The following XIRP1 variants were observed in gnomAD, a reference collection of about 807,000 sequenced individuals.
The protein encoded by XIRP1 is xin actin-binding repeat-containing protein 1.
For missense variants in XIRP1, 2,378 were observed against 2,345.4 expected (o/e 1.01, Z -0.29); for synonymous variants, 984 against 947.0 (o/e 1.04, Z -0.72).
At position 39,186,857 on chromosome 3, in the gene XIRP1, T is replaced by C. The variant is rs1227632496; in HGVS notation, c.2589A>G (p.Pro863=). ...CAATATTCCCACTGCTGCCTGGAGT[T>C]GGCAGCCTCAGCGGCTTGAGTTGGA... The part of the protein sequence containing the change: ...GQLQLKPLRL[P]TPGSSGNIED... The change falls in exon 2 of 2, where the codon CCA becomes CCG. Residue 863 remains proline, a synonymous_variant. Coordinates refer to ENST00000340369, the MANE Select transcript of XIRP1 (RefSeq NM_194293.4). The C allele has an allele frequency of 6.2e-7, 1 of 1,613,852 alleles. No homozygotes were observed. Among genetic ancestry groups the C allele is most frequent in the East Asian group, 2.2e-5 (1 of 44,868 alleles).
In XIRP1 at chr3:39,184,057, T is replaced by C; in HGVS notation, c.5389A>G (p.Arg1797Gly). Reference sequence around the variant, plus strand: ...AGCCCGAGGTGGGAGCCTGGGTTCCTGGGTGGCTCTGCCTGCTCGGTGACT... The same window carrying C: ...AGCCCGAGGTGGGAGCCTGGGTTCCCGGGTGGCTCTGCCTGCTCGGTGACT... ...TTVTEQAEPP[R>G]NPGSHLGLHA... The change falls in exon 2 of 2, where the codon AGG (arginine) becomes GGG (glycine). Residue 1797 changes from arginine (R) to glycine (G), a missense_variant. Physicochemically the swap from Arg to Gly is moderately radical, Grantham distance 125 (BLOSUM62 -2). Coordinates refer to ENST00000340369, the MANE Select transcript of XIRP1 (RefSeq NM_194293.4). 6.2e-7 allele frequency: 1 copy of C among 1,610,602 alleles called. No individual in the cohort carries two copies.
At chr3:39,190,872 G>A (rs1318034140) in intron 1 of XIRP1, among the ~76,000 whole-genome samples, 1 of 152,162 alleles carries the variant, frequency 6.6e-6, no homozygotes, top group Non-Finnish European at 1.5e-5. Context: ...GGGCTCAGAG[G>A]GAGGCTGAGG....
In XIRP1 at chr3:39,183,758, GA is replaced by G; in HGVS notation, c.*155del. ...TCCATTTGGAAGAACTGGGCCTATT[GA>G]AAGAACTGCGAAAGGGAAATGGCCC... On this transcript the variant is annotated 3_prime_UTR_variant, in exon 2 of 2. Coordinates refer to ENST00000340369, the MANE Select transcript of XIRP1 (RefSeq NM_194293.4). 8.0e-7 allele frequency: 1 copy of G among 1,255,564 alleles called. No individual in the cohort carries two copies. The highest frequency in any genetic ancestry group is 1.1e-6 in the Non-Finnish European group (1 of 938,044). The allele number at this position is 1,255,564 out of a possible 1,614,324, so 77.8% of individuals were successfully genotyped here.
rs752267435 is a variant in XIRP1, at chr3:39,184,224, AG to A, written c.5221del (p.Leu1741CysfsTer25). On this transcript the variant is annotated frameshift_variant, in exon 2 of 2. Transcript: ENST00000340369. LOFTEE classifies it low-confidence loss of function (END_TRUNC). ...PEPAPPSASPLPRGWQKSVLE... is the reference protein window; with the variant it reads ...PEPAPPSASPXPRGWQKSVLE... ...AACACTCTTTTGCCACCCTCTGGGC[AG>A]GGGACTGGCTGAGGGAGGGGCAGGT... 2 of 1,614,158 alleles carry A rather than the reference AG, an allele frequency of 1.2e-6. No individual in the cohort carries two copies. The highest frequency in any genetic ancestry group is 1.1e-5 in the South Asian group (1 of 91,082).
rs759203422 is a variant in XIRP1, at chr3:39,186,572, G to A, written c.2874C>T (p.Ser958=). 33 of 1,610,896 alleles carry A rather than the reference G, an allele frequency of 2.0e-5. No individual in the cohort carries two copies. The highest frequency in any genetic ancestry group is 1.7e-4 in the Middle Eastern group (1 of 6,056). ...TTGGGTGCAGGCTCTGGGCCCCCTC[G>A]CTGGCTGGCACTGGACTCGGGTCAG... The part of the protein sequence containing the change: ...PPADPSPVPA[S]EGAQSLHPTE... Residue 958 remains serine, a synonymous_variant, in exon 2 of 2, where the codon AGC becomes AGT. Coordinates refer to ENST00000340369, the MANE Select transcript of XIRP1 (RefSeq NM_194293.4).
At position 39,188,672 on chromosome 3, in the gene XIRP1, C is replaced by T. The variant is rs967117527; in HGVS notation, c.774G>A (p.Arg258=). The change falls in exon 2 of 2, where the codon CGG becomes CGA. Residue 258 remains arginine, a synonymous_variant. Transcript: ENST00000340369. The part of the protein sequence containing the change: ...GAIHEVKAAC[R]EEIQSNAVRS... ...TCACCGCGTTGCTTTGGATCTCCTC[C>T]CGGCATGCGGCCTTGACCTCATGGA... 2 of 1,613,466 alleles carry T rather than the reference C, an allele frequency of 1.2e-6. No individual in the cohort carries two copies. Among genetic ancestry groups the T allele is most frequent in the Admixed American group, 1.7e-5 (1 of 60,026 alleles).
Position 39,189,186 on chromosome 3 carries a change from G to A in XIRP1, c.260C>T (p.Thr87Ile), listed in dbSNP as rs267599816. The change falls in exon 2 of 2, where the codon ACC (threonine) becomes ATC (isoleucine). Residue 87 changes from threonine (T) to isoleucine (I), a missense_variant. Physicochemically the swap from Thr to Ile is moderately conservative, Grantham distance 89. Coordinates refer to ENST00000340369, the MANE Select transcript of XIRP1 (RefSeq NM_194293.4). ...LAEVLGSEEP[T>I]EGDVQCMRWI... ...GCGCATGCACTGAACGTCACCCTCG[G>A]TGGGTTCCTCAGAGCCCAGGACCTC... is the stretch of plus-strand genomic sequence containing the variant. 1 of 1,614,064 alleles carries A rather than the reference G, an allele frequency of 6.2e-7. No individual in the cohort carries two copies. Among genetic ancestry groups the A allele is most frequent in the South Asian group, 1.1e-5 (1 of 91,090 alleles).
Position 39,183,690 on chromosome 3 carries a change from C to CTGGG in XIRP1, c.*223_*224insCCCA. Reference sequence around the variant, plus strand: ...CAGCTGGGAGCCCCCATCCTACCCCCACGCCTGTGCAACTCTGTGGGCCTC... The same window carrying CTGGG: ...CAGCTGGGAGCCCCCATCCTACCCCCTGGGACGCCTGTGCAACTCTGTGGGCCTC... On this transcript the variant is annotated 3_prime_UTR_variant, in exon 2 of 2. Coordinates refer to ENST00000340369, the MANE Select transcript of XIRP1 (RefSeq NM_194293.4). 1 of 706,566 alleles carries CTGGG rather than the reference C, an allele frequency of 1.4e-6. No individual in the cohort carries two copies. 43.8% of individuals were successfully genotyped at this position (706,566 alleles called of 1,614,324 possible). A position where few individuals can be genotyped will look rare whatever the true frequency, so the allele number is the denominator to read the frequency against.
rs2039906895 is a variant in XIRP1, at chr3:39,183,777, A to G, written c.*137T>C. On this transcript the variant is annotated 3_prime_UTR_variant, in exon 2 of 2. Transcript: ENST00000340369. ...CCTATTGAAAGAACTGCGAAAGGGA[A>G]ATGGCCCACAGTAATCCTCTGAAGA... 12 of 1,342,128 alleles carry G rather than the reference A, an allele frequency of 8.9e-6. No individual in the cohort carries two copies. The highest frequency in any genetic ancestry group is 1.2e-5 in the Non-Finnish European group (12 of 1,015,848). The allele number at this position is 1,342,128 out of a possible 1,614,324, so 83.1% of individuals were successfully genotyped here.
chr3:39,188,120 C>A lies in XIRP1; in HGVS notation c.1326G>T (p.Lys442Asn), dbSNP rs562724585. The change falls in exon 2 of 2, where the codon AAG becomes AAT. Residue 442 changes from lysine (K) to asparagine (N), a missense_variant. Physicochemically the swap from Lys to Asn is moderately conservative, Grantham distance 94. Transcript: ENST00000340369. ...DELKGDVKTF[K>N]NLFETLPLDS... is the part of the protein sequence containing the mutation. Reference sequence around the variant, plus strand: ...CCAAGGGAAGGGTCTCAAAAAGGTTCTTAAAAGTCTTCACATCCCCCTTTA... The same window carrying A: ...CCAAGGGAAGGGTCTCAAAAAGGTTATTAAAAGTCTTCACATCCCCCTTTA... 6 of 1,614,186 alleles carry A rather than the reference C, an allele frequency of 3.7e-6. No homozygotes were observed. In the South Asian group the frequency reaches 5.5e-5, roughly 15 times the overall value.
Position 39,186,765 on chromosome 3 carries a change from C to T in XIRP1, c.2681G>A (p.Gly894Glu), listed in dbSNP as rs760866340. ...CTGCTCTGTCTCCTGCATCACCAGCCCAGTCCTTGCCACGGAGGTCCCAAG... is the reference window on the plus strand; with the variant it reads ...CTGCTCTGTCTCCTGCATCACCAGCTCAGTCCTTGCCACGGAGGTCCCAAG... ...CGLGTSVART[G>E]LVMQETEQGL... is the part of the protein sequence containing the mutation. The change falls in exon 2 of 2, where the codon GGG (glycine) becomes GAG (glutamate). Residue 894 changes from glycine (G) to glutamate (E), a missense_variant. Coordinates refer to ENST00000340369, the MANE Select transcript of XIRP1 (RefSeq NM_194293.4). The T allele has an allele frequency of 2.5e-6, 4 of 1,613,920 alleles. No homozygotes were observed. The East Asian group carries it at 8.9e-5, about 36-fold the overall frequency.
chr3:39,188,693 A>G lies in XIRP1; in HGVS notation c.753T>C (p.His251=), dbSNP rs1168443527. ...CCTCCCGGCATGCGGCCTTGACCTC[A>G]TGGATGGCGCCCTCTGCATCCTGGA... ...CAIQDAEGAI[H]EVKAACREEI... is the part of the protein sequence containing the mutation. Residue 251 remains histidine, a synonymous_variant, in exon 2 of 2, where the codon CAT becomes CAC. Coordinates refer to ENST00000340369, the MANE Select transcript of XIRP1 (RefSeq NM_194293.4). 1.9e-6 allele frequency: 3 copies of G among 1,613,338 alleles called. No individual in the cohort carries two copies. The highest frequency in any genetic ancestry group is 2.2e-5 in the East Asian group (1 of 44,872).
Position 39,189,256 on chromosome 3 carries a change from C to T in XIRP1, c.190G>A (p.Glu64Lys), listed in dbSNP as rs764946916. The change falls in exon 2 of 2, where the codon GAG becomes AAG. Residue 64 changes from glutamate (E) to lysine (K), a missense_variant. By Grantham distance (56) the Glu-to-Lys change is moderately conservative. Coordinates refer to ENST00000340369, the MANE Select transcript of XIRP1 (RefSeq NM_194293.4). ...GCCTCAGCCAGATTCTTGCGGAGCT[C>T]AGGGTGGATGTGCCTGTAGAGGCGG... is the stretch of plus-strand genomic sequence containing the variant. ...LRRLYRHIHPELRKNLAEAVA... is the reference protein window; with the variant it reads ...LRRLYRHIHPKLRKNLAEAVA... The T allele has an allele frequency of 3.1e-6, 5 of 1,614,100 alleles. No individual in the cohort carries two copies. In the South Asian group the frequency reaches 3.3e-5, roughly 11 times the overall value.
rs145094629 is a variant in XIRP1, at chr3:39,188,365, C to G, written c.1081G>C (p.Glu361Gln). ...TRALDTLKGD[E>Q]EAGAEAPPKE... ...GGTGGGGCCTCTGCTCCAGCCTCTT[C>G]GTCCCCCTTCAGAGTGTCCAGCGCT... The change falls in exon 2 of 2, where the codon GAA becomes CAA. Residue 361 changes from glutamate to glutamine, a missense_variant. Glu to Gln is a conservative substitution (Grantham distance 29). Coordinates refer to ENST00000340369, the MANE Select transcript of XIRP1 (RefSeq NM_194293.4). 1 of 1,614,108 alleles carries G rather than the reference C, an allele frequency of 6.2e-7. No individual in the cohort carries two copies. The highest frequency in any genetic ancestry group is 8.5e-7 in the Non-Finnish European group (1 of 1,179,990).
rs773767400 is a variant in XIRP1, at chr3:39,186,565, C to A, written c.2881G>T (p.Ala961Ser). 1 of 1,611,052 alleles carries A rather than the reference C, an allele frequency of 6.2e-7. No homozygotes were observed. The highest frequency in any genetic ancestry group is 1.3e-5 in the African/African-American group (1 of 75,018). ...CTCTCAGTTGGGTGCAGGCTCTGGGCCCCCTCGCTGGCTGGCACTGGACTC... is the reference window on the plus strand; with the variant it reads ...CTCTCAGTTGGGTGCAGGCTCTGGGACCCCTCGCTGGCTGGCACTGGACTC... ...DPSPVPASEG[A>S]QSLHPTESII... The change falls in exon 2 of 2, where the codon GCC (alanine) becomes TCC (serine). Residue 961 changes from alanine to serine, a missense_variant. Ala to Ser is a moderately conservative substitution (Grantham distance 99, BLOSUM62 1). Transcript: ENST00000340369.
In XIRP1 at chr3:39,184,726, A is replaced by T; in HGVS notation, c.4720T>A (p.Phe1574Ile). 6.2e-7 allele frequency: 1 copy of T among 1,614,260 alleles called. No individual in the cohort carries two copies. Among genetic ancestry groups the T allele is most frequent in the Non-Finnish European group, 8.5e-7 (1 of 1,180,040 alleles). ...CTGTGGTCTTTTGGAGGTCCCTGGA[A>T]ATGGCCTCTGGCACTGGCCTCAGGC... Reference protein sequence around the residue: ...LQPEASARGHFQGPPKDHSAH... With the variant: ...LQPEASARGHIQGPPKDHSAH... The change falls in exon 2 of 2, where the codon TTC (phenylalanine) becomes ATC (isoleucine). Residue 1574 changes from phenylalanine (F) to isoleucine (I), a missense_variant. Transcript: ENST00000340369.
At position 39,184,666 on chromosome 3, in the gene XIRP1, C is replaced by A. The variant is rs376296366; in HGVS notation, c.4780G>T (p.Ala1594Ser). The A allele has an allele frequency of 1.5e-5, 24 of 1,613,908 alleles. No homozygotes were observed. In the Middle Eastern group the frequency reaches 1.3e-3, roughly 88 times the overall value. The change falls in exon 2 of 2, where the codon GCC becomes TCC. Residue 1594 changes from alanine (A) to serine (S), a missense_variant. Physicochemically the swap from Ala to Ser is moderately conservative, Grantham distance 99 (BLOSUM62 1). Transcript: ENST00000340369. The part of the protein sequence containing the change: ...HKISVTVSSS[A>S]RPSGSGQEVG... The stretch of plus-strand genomic sequence containing the variant: ...TCCTGGCCTGAGCCACTGGGCCTGG[C>A]GCTACTGCTGACTGTGACACTGATC...
rs781005341 is a variant in XIRP1 at position 39,189,279 on chromosome 3, C to T, written c.167G>A (p.Arg56His). 34 of 1,599,488 alleles carry T rather than the reference C, an allele frequency of 2.1e-5. No individual in the cohort carries two copies. Among genetic ancestry groups the T allele is most frequent in the East Asian group, 4.6e-5 (2 of 43,886 alleles). Residue 56 changes from arginine to histidine, a missense_variant, in exon 2 of 2, where the codon CGC becomes CAC. By Grantham distance (29) the Arg-to-His change is conservative. Coordinates refer to ENST00000340369, the MANE Select transcript of XIRP1 (RefSeq NM_194293.4). ...HQQRQASELR[R>H]LYRHIHPELR... is the part of the protein sequence containing the mutation. ...CTCAGGGTGGATGTGCCTGTAGAGGCGGCGGAGCTCACTAGCTTGCCGCTG... is the reference window on the plus strand; with the variant it reads ...CTCAGGGTGGATGTGCCTGTAGAGGTGGCGGAGCTCACTAGCTTGCCGCTG...
Position 39,185,027 on chromosome 3 carries a change from GC to G in XIRP1, c.4418del (p.Gly1473AlafsTer3), listed in dbSNP as rs1330752391. 1.3e-6 allele frequency: 2 copies of G among 1,520,462 alleles called. No homozygotes were observed. Among genetic ancestry groups the G allele is most frequent in the Admixed American group, 4.5e-5 (2 of 44,132 alleles). The allele number at this position is 1,520,462 out of a possible 1,614,324, so 94.2% of individuals were successfully genotyped here. A position where few individuals can be genotyped will look rare whatever the true frequency, so the allele number is the denominator to read the frequency against. ...SLQRNQKELQGLLNQVQALEK... is the reference protein window; with the variant it reads ...SLQRNQKELQXLLNQVQALEK... The stretch of plus-strand genomic sequence containing the variant: ...CCAGGGCTTGCACCTGGTTCAGGAG[GC>G]CCTGGAGCTCTTTCTGGTTTCTTTG... On this transcript the variant is annotated frameshift_variant, in exon 2 of 2. Coordinates refer to ENST00000340369, the MANE Select transcript of XIRP1 (RefSeq NM_194293.4). LOFTEE classifies it low-confidence loss of function (END_TRUNC).
Sources: allele counts gnomAD v4.1 joint callset (sites outside exome capture counted in the v4.1 genomes callset), GRCh38; gene constraint gnomAD v4.1.1; transcripts MANE v1.5; gene names NCBI Gene and HGNC (gene_info 2026-07-23, HGNC 2026-07-21).